GPHN: variants seen among roughly 807,000 people sequenced by gnomAD.
GPHN encodes the protein gephyrin.
Under a neutral mutation model 95.5 loss-of-function variants are expected in GPHN, and 17 were observed. The observed-to-expected ratio is 0.18, with a 90% CI of 0.12 to 0.27. The LOEUF (loss-of-function observed/expected upper bound fraction) is 0.27, where lower values mean the gene tolerates loss of function less well. Among genes scored for constraint, GPHN ranks in the 10% least tolerant of loss-of-function variants. The probability of loss-of-function intolerance (pLI) is 1.00; values close to 1 mark genes in which losing one functional copy is unlikely to be tolerated. For synonymous variants in GPHN, 320 were observed against 322.5 expected, an observed-to-expected ratio of 0.99 and a Z score of 0.08; for missense variants, 660 against 978.1, an observed-to-expected ratio of 0.67 and a Z score of 4.34.
chr14:67,192,340 C>T, the GPHN span, among the ~76,000 whole-genome samples: 1 of 152,090 alleles, frequency 6.6e-6, no homozygotes, highest in Non-Finnish European at 1.5e-5. Context: ...TGCTTTAATT[C>T]TCACTTTCAT....
intron 1 of GPHN, among the ~76,000 whole-genome samples, chr14:66,618,546 T>G (rs960271154): frequency 6.6e-6 from 1 of 152,170 alleles, no homozygotes; most frequent in Non-Finnish European, 1.5e-5. Context: ...TCATTTTCTG[T>G]TTTTAAAAGG....
the GPHN span, chr14:67,662,632 C>T: frequency 8.9e-7 from 1 of 1,124,512 alleles, no homozygotes; most frequent in Non-Finnish European, 1.3e-6. Context: ...ATGGCAGGGC[C>T]TGGTGGCTCA....
chr14:67,207,455 C>A, the GPHN span, among the ~76,000 whole-genome samples: 1 of 151,840 alleles, frequency 6.6e-6, no homozygotes, highest in South Asian at 2.1e-4. Flanking sequence ...GAGGGATCTG[C>A]CCCCGAGACC....
At chr14:67,428,925 C>T in the GPHN span, among the ~76,000 whole-genome samples, 1 of 152,172 alleles carries the variant, frequency 6.6e-6, no homozygotes, top group Non-Finnish European at 1.5e-5. Flanking sequence ...TGTAAGCAGT[C>T]AGCCACCTCA....
chr14:67,103,621 AT>A (rs941924978), intron 13 of GPHN, among the ~76,000 whole-genome samples: 5 of 127,402 alleles, frequency 3.9e-5, no homozygotes, highest in African/African-American at 9.0e-5. Flanking sequence ...TTATTCCTAA[AT>A]TTTTTTTGTA....
At chr14:67,023,150 C>G (rs2153626477) in intron 9 of GPHN, among the ~76,000 whole-genome samples, 1 of 152,058 alleles carries the variant, frequency 6.6e-6, no homozygotes, top group East Asian at 1.9e-4. Context: ...TTATCAGAAT[C>G]AAATGTAAAT....
chr14:67,249,879 G>C, the GPHN span, among the ~76,000 whole-genome samples: 1 of 152,178 alleles, frequency 6.6e-6, no homozygotes, highest in Non-Finnish European at 1.5e-5. Flanking sequence ...TAACGTGATT[G>C]CTTCCTATGA....
the GPHN span, among the ~76,000 whole-genome samples, chr14:67,201,152 G>A: frequency 6.6e-6 from 1 of 152,146 alleles, no homozygotes; most frequent in South Asian, 2.1e-4. Context: ...AAATTAGCAG[G>A]GTGCAGTGCT....
chr14:67,628,321 C>A, the GPHN span, among the ~76,000 whole-genome samples: 1 of 152,196 alleles, frequency 6.6e-6, no homozygotes. Flanking sequence ...AACTTCTGGG[C>A]TCAAGCAAGC....
chr14:66,654,386 C>T (rs1027457230), intron 1 of GPHN, among the ~76,000 whole-genome samples: 5 of 152,132 alleles, frequency 3.3e-5, no homozygotes, highest in South Asian at 4.1e-4. Context: ...TGAGCCACCA[C>T]GCCTGTTCTT....
chr14:67,280,185 T>G, the GPHN span, among the ~76,000 whole-genome samples: 1 of 152,328 alleles, frequency 6.6e-6, no homozygotes, highest in Admixed American at 6.5e-5. Flanking sequence ...TGTTAGAATG[T>G]TACTAGGCAT....
At chr14:67,603,553 TCATAA>T in the GPHN span, among the ~76,000 whole-genome samples, 1 of 152,212 alleles carries the variant, frequency 6.6e-6, no homozygotes. Context: ...AGTGGTATAA[TCATAA>T]CTCATTGTGA....
chr14:66,956,308 T>G (rs1217497717), intron 8 of GPHN, among the ~76,000 whole-genome samples: 1 of 152,230 alleles, frequency 6.6e-6, no homozygotes, highest in Non-Finnish European at 1.5e-5. Flanking sequence ...TCAAATTATT[T>G]TCTTATTTCC....
intron 1 of GPHN, among the ~76,000 whole-genome samples, chr14:66,660,802 G>A (rs2065598366): frequency 6.6e-6 from 1 of 152,120 alleles, no homozygotes. Flanking sequence ...GCAGGACAGG[G>A]CAGGGCAGGG....
At chr14:66,893,766 G>A (rs2064661036) in intron 5 of GPHN, among the ~76,000 whole-genome samples, 1 of 152,142 alleles carries the variant, frequency 6.6e-6, no homozygotes, top group Non-Finnish European at 1.5e-5. Context: ...ATTCACAAAT[G>A]CTTCAAAGAG....
chr14:67,230,780 C>A, the GPHN span, among the ~76,000 whole-genome samples: 2 of 152,140 alleles, frequency 1.3e-5, no homozygotes, highest in African/African-American at 2.4e-5. Context: ...CAAAAAGAAA[C>A]TTAACTATGG....
chr14:66,927,079 C>T (rs1230623329), intron 8 of GPHN, among the ~76,000 whole-genome samples: 1 of 151,978 alleles, frequency 6.6e-6, no homozygotes, highest in Non-Finnish European at 1.5e-5. Flanking sequence ...ATTGGCCAGG[C>T]GTGGTGGCTT....
At chr14:66,954,979 G>A (rs973666511) in intron 8 of GPHN, among the ~76,000 whole-genome samples, 5 of 152,130 alleles carry the variant, frequency 3.3e-5, no homozygotes, top group Non-Finnish European at 5.9e-5. Flanking sequence ...TGGTCTTGAT[G>A]TATAATTGTT....
the GPHN span, among the ~76,000 whole-genome samples, chr14:67,493,488 G>A: frequency 2.0e-5 from 3 of 152,178 alleles, no homozygotes; most frequent in Non-Finnish European, 2.9e-5. Context: ...TCTCGTGATC[G>A]TAACTGACAC....
Sources: gnomAD v4.1 joint callset for allele counts (sites outside exome capture counted in the v4.1 genomes callset) on GRCh38, gnomAD v4.1.1 for gene constraint, MANE v1.5 for transcripts, NCBI Gene and HGNC (gene_info 2026-07-23, HGNC 2026-07-21) for gene names.